CNTNAP2: variants seen among roughly 807,000 people sequenced by gnomAD.
CNTNAP2 encodes the protein contactin associated protein 2, also known as contactin-associated protein-like 2.
Under a neutral mutation model 155.2 loss-of-function variants are expected in CNTNAP2, and 98 were observed. That is an observed-to-expected ratio of 0.63 (90% CI 0.54 to 0.75). The LOEUF (loss-of-function observed/expected upper bound fraction) is 0.75, where lower values mean the gene tolerates loss of function less well. Ranked by LOEUF, CNTNAP2 falls within the 30% of genes least tolerant of loss-of-function variation. CNTNAP2 has a pLI of 0.00. For missense variants in CNTNAP2, 1,727 were observed against 1,688.1 expected (o/e 1.02, Z -0.40); for synonymous variants, 651 against 631.2 (o/e 1.03, Z -0.47).
At chr7:146,354,961 G>C (rs1402988306) in intron 1 of CNTNAP2, among the ~76,000 whole-genome samples, 1 of 152,214 alleles carries the variant, frequency 6.6e-6, no homozygotes, top group Non-Finnish European at 1.5e-5. Context: ...CTTCAGGTGT[G>C]TCCTACTTGG....
intron 9 of CNTNAP2, among the ~76,000 whole-genome samples, chr7:147,352,834 A>G (rs1795989568): frequency 6.6e-6 from 1 of 151,982 alleles, no homozygotes; most frequent in Non-Finnish European, 1.5e-5. Flanking sequence ...TTAGCATGCT[A>G]AATAATAGTA....
chr7:147,286,612 A>C (rs530943044), intron 8 of CNTNAP2, among the ~76,000 whole-genome samples: 2 of 152,260 alleles, frequency 1.3e-5, no homozygotes, highest in Non-Finnish European at 2.9e-5. Context: ...AGGGTTCTGA[A>C]CCTGAGAGAA....
chr7:146,906,840 G>A (rs1257151944), intron 3 of CNTNAP2, among the ~76,000 whole-genome samples: 1 of 150,692 alleles, frequency 6.6e-6, no homozygotes, highest in Non-Finnish European at 1.5e-5. Flanking sequence ...GGCTTCAGAC[G>A]ATCAAATTAC....
At chr7:148,168,389 A>G (rs568933782) in intron 17 of CNTNAP2, among the ~76,000 whole-genome samples, 6 of 152,294 alleles carry the variant, frequency 3.9e-5, no homozygotes, top group African/African-American at 1.2e-4. Context: ...GCCATAAAAA[A>G]TGATGATTTC....
At chr7:148,212,645 C>T (rs180739274) in intron 18 of CNTNAP2, among the ~76,000 whole-genome samples, 70 of 152,186 alleles carry the variant, frequency 4.6e-4, no homozygotes, top group African/African-American at 1.6e-3. Flanking sequence ...GGAAATGATG[C>T]TATTTTGGGC....
intron 22 of CNTNAP2, among the ~76,000 whole-genome samples, chr7:148,391,280 T>A (rs2116678705): frequency 6.6e-6 from 1 of 152,314 alleles, no homozygotes; most frequent in East Asian, 1.9e-4. Flanking sequence ...TTACAGTATA[T>A]GTCAAGAAAA....
chr7:147,480,116 T>C (rs1258544825), intron 10 of CNTNAP2, among the ~76,000 whole-genome samples: 2 of 151,980 alleles, frequency 1.3e-5, no homozygotes, highest in Non-Finnish European at 2.9e-5. Context: ...GCTCTGAGAG[T>C]CACGAGTATG....
intron 19 of CNTNAP2, among the ~76,000 whole-genome samples, chr7:148,226,609 T>G (rs1795854530): frequency 6.8e-6 from 1 of 146,470 alleles, no homozygotes; most frequent in Non-Finnish European, 1.5e-5. Context: ...TATATGACCT[T>G]CCTCTAGGAA....
chr7:148,375,729 G>A (rs1292828746), intron 21 of CNTNAP2, among the ~76,000 whole-genome samples: 5 of 151,406 alleles, frequency 3.3e-5, no homozygotes, highest in Non-Finnish European at 7.4e-5. Flanking sequence ...TTAGAAATGC[G>A]AATGACACCA....
intron 1 of CNTNAP2, among the ~76,000 whole-genome samples, chr7:146,346,825 C>T (rs1430200436): frequency 6.6e-6 from 1 of 152,166 alleles, no homozygotes; most frequent in East Asian, 1.9e-4. Flanking sequence ...GAAACCCATC[C>T]CTGCTGCCAA....
chr7:147,414,992 A>G (rs553066539), intron 10 of CNTNAP2, among the ~76,000 whole-genome samples: 3 of 151,426 alleles, frequency 2.0e-5, no homozygotes, highest in Non-Finnish European at 2.9e-5. Flanking sequence ...TGGATTCTCT[A>G]TCTGAGAACT....
intron 1 of CNTNAP2, among the ~76,000 whole-genome samples, chr7:146,428,508 G>C (rs112384161): frequency 6.6e-6 from 1 of 151,864 alleles, no homozygotes; most frequent in South Asian, 2.1e-4. Flanking sequence ...GTGATGCTAA[G>C]CTTTTTTTCA....
chr7:148,062,000 T>G lies in CNTNAP2; in HGVS notation c.2384-56118T>G, dbSNP rs1361267299. The stretch of plus-strand genomic sequence containing the variant: ...ATAGATAGATAGATAGATAGATAGA[T>G]AGATAGATGATAGAGAGAGAGAGAG... On this transcript the variant is annotated intron_variant, in intron 15 of 23. Coordinates refer to ENST00000361727, the MANE Select transcript of CNTNAP2 (RefSeq NM_014141.6). 6.6e-3 allele frequency among the ~76,000 whole-genome samples: 692 copies of G among 104,312 alleles called. 49 individuals are homozygous for G. Among genetic ancestry groups the G allele is most frequent in the African/African-American group, 0.032 (628 of 19,852 alleles). 68.4% of individuals were successfully genotyped at this position (104,312 alleles called of 152,430 possible).
chr7:148,150,503 G>A (rs1008559434), intron 17 of CNTNAP2, among the ~76,000 whole-genome samples: 30 of 151,954 alleles, frequency 2.0e-4, no homozygotes, highest in African/African-American at 6.3e-4. Context: ...AGCCGAGATC[G>A]CGCCACTGTA....
At chr7:146,695,762 G>A (rs529439597) in intron 1 of CNTNAP2, among the ~76,000 whole-genome samples, 32 of 152,170 alleles carry the variant, frequency 2.1e-4, no homozygotes, top group South Asian at 6.2e-4. Context: ...CATATATTTA[G>A]CATGTACAAC....
At chr7:147,775,476 G>A (rs1162832726) in intron 13 of CNTNAP2, among the ~76,000 whole-genome samples, 2 of 142,390 alleles carry the variant, frequency 1.4e-5, no homozygotes, top group African/African-American at 5.1e-5. Flanking sequence ...TCTGTCCTTT[G>A]GAGATGTAGT....
intron 12 of CNTNAP2, among the ~76,000 whole-genome samples, chr7:147,609,981 G>A (rs183978332): frequency 1.1e-4 from 16 of 152,250 alleles, no homozygotes; most frequent in Admixed American, 6.5e-4. Context: ...TTTTGTTGTC[G>A]TGGTGGTGGT....
Position 147,187,766 on chromosome 7 carries a change from G to A in CNTNAP2, c.1348+55257G>A, listed in dbSNP as rs145596203. Among the ~76,000 whole-genome samples, 497 of 152,132 alleles carry A rather than the reference G, an allele frequency of 3.3e-3. 5 individuals carry two copies. The highest frequency in any genetic ancestry group is 0.011 in the African/African-American group (446 of 41,504). On this transcript the variant is annotated intron_variant, in intron 8 of 23. Transcript: ENST00000361727. The stretch of plus-strand genomic sequence containing the variant: ...TAAAATTTGGAAAAGAAAAATAATC[G>A]ATACATAAAATAAAGAGTTATGCTG...
chr7:146,796,442 T>C (rs1369447010), intron 2 of CNTNAP2, among the ~76,000 whole-genome samples: 2 of 152,082 alleles, frequency 1.3e-5, no homozygotes, highest in Non-Finnish European at 2.9e-5. Flanking sequence ...AGTGATGAAA[T>C]CATCTTGATG....
Sources: gnomAD v4.1 joint callset for allele counts (sites outside exome capture counted in the v4.1 genomes callset) on GRCh38, gnomAD v4.1.1 for gene constraint, MANE v1.5 for transcripts, NCBI Gene and HGNC (gene_info 2026-07-23, HGNC 2026-07-21) for gene names.